Variants in IL1RL1 observed in about 807,000 individuals in gnomAD.
The protein encoded by IL1RL1 is interleukin 1 receptor like 1.
IL1RL1 carries 32 observed loss-of-function variants against 50.9 expected under a neutral mutation model. The observed-to-expected ratio is 0.63, with a 90% CI of 0.47 to 0.84. The LOEUF (loss-of-function observed/expected upper bound fraction) is 0.84, where lower values mean the gene tolerates loss of function less well. Ranked by LOEUF, IL1RL1 falls within the 40% of genes least tolerant of loss-of-function variation. IL1RL1 has a pLI of 0.00. For synonymous variants in IL1RL1, 275 were observed against 236.0 expected, an observed-to-expected ratio of 1.17 and a Z score of -1.51; for missense variants, 773 against 662.9, an observed-to-expected ratio of 1.17 and a Z score of -1.82.
chr2:102,351,311 T>C (rs1387796541), intron 10 of IL1RL1, among the ~76,000 whole-genome samples: 1 of 152,118 alleles, frequency 6.6e-6, no homozygotes, highest in African/African-American at 2.4e-5. Context: ...CTAAGCTACC[T>C]GGGAAATAAA....
chr2:102,319,643 T>C (rs1290208931), intron 1 of IL1RL1, among the ~76,000 whole-genome samples: 1 of 152,194 alleles, frequency 6.6e-6, no homozygotes, highest in East Asian at 1.9e-4. Flanking sequence ...TTTCTGCCCT[T>C]ATAGAATTTT....
At chr2:102,313,667 CA>C (rs1413524181) in intron 1 of IL1RL1, among the ~76,000 whole-genome samples, 1 of 152,316 alleles carries the variant, frequency 6.6e-6, no homozygotes, top group East Asian at 1.9e-4. Context: ...CAGAGGCAGA[CA>C]ACTGCAAGGG....
chr2:102,320,179 T>C (rs187562005), intron 1 of IL1RL1, among the ~76,000 whole-genome samples: 1 of 152,348 alleles, frequency 6.6e-6, no homozygotes, highest in African/African-American at 2.4e-5. Context: ...CAATGCCTTA[T>C]CGCACAGCTT....
rs573215428 is a variant in IL1RL1, at chr2:102,345,752, G to C, written c.971-2193G>C. The C allele has an allele frequency of 5.1e-6, 5 of 985,284 alleles. No individual in the cohort carries two copies. In the African/African-American group the frequency reaches 8.7e-5, roughly 17 times the overall value. The allele number at this position is 985,284 out of a possible 1,614,324, so 61.0% of individuals were successfully genotyped here. On this transcript the variant is annotated intron_variant, in intron 8 of 10. Coordinates refer to ENST00000233954, the MANE Select transcript of IL1RL1 (RefSeq NM_016232.5). The stretch of plus-strand genomic sequence containing the variant: ...ATGGCTATAAGTGCCGTAGTGTTCT[G>C]TGGGTCTCTGGTGTCTGCCAGTGAT...
intron 8 of IL1RL1, chr2:102,344,782 A>C (rs1677719244): frequency 1.1e-6 from 1 of 926,910 alleles, no homozygotes; most frequent in Non-Finnish European, 1.3e-6. Context: ...ATAAGTCTTA[A>C]TTATACAACA....
chr2:102,337,633 T>C (rs1021099626), intron 1 of IL1RL1, among the ~76,000 whole-genome samples: 2 of 152,228 alleles, frequency 1.3e-5, no homozygotes, highest in African/African-American at 4.8e-5. Flanking sequence ...ACTTGGCTAA[T>C]GCTTTAGTCT....
At position 102,341,254 on chromosome 2, in the gene IL1RL1, G is replaced by A. The variant is rs12474211; in HGVS notation, c.610+426G>A. ...TTTAGTAATACTCATTGGATTCAAA[G>A]TCTAATGAGAGGCTTTGTGATGGTA... is the stretch of plus-strand genomic sequence containing the variant. On this transcript the variant is annotated intron_variant, in intron 5 of 10. Coordinates refer to ENST00000233954, the MANE Select transcript of IL1RL1 (RefSeq NM_016232.5). The A allele has an allele frequency of 1.9e-3, 2,415 of 1,245,544 alleles. 5 individuals are homozygous for A. Among genetic ancestry groups the A allele is most frequent in the Non-Finnish European group, 2.3e-3 (2,244 of 968,398 alleles). The allele number at this position is 1,245,544 out of a possible 1,614,324, so 77.2% of individuals were successfully genotyped here.
At chr2:102,329,598 A>AG (rs575316392) in intron 1 of IL1RL1, among the ~76,000 whole-genome samples, 7 of 152,128 alleles carry the variant, frequency 4.6e-5, no homozygotes, top group Non-Finnish European at 8.8e-5. Flanking sequence ...TATCTGACAA[A>AG]GGCTAATATC....
chr2:102,331,384 A>G (rs1293630466), intron 1 of IL1RL1, among the ~76,000 whole-genome samples: 1 of 152,260 alleles, frequency 6.6e-6, no homozygotes, highest in Non-Finnish European at 1.5e-5. Context: ...TGGAATTAGT[A>G]TGTGAGAAAT....
chr2:102,348,168 T>A, intron 9 of IL1RL1, 77 bp downstream of exon 9: 6 of 1,146,334 alleles, frequency 5.2e-6, no homozygotes, highest in Non-Finnish European at 7.6e-6. Flanking sequence ...TATTAATCTT[T>A]CAGTAGCTAG....
At chr2:102,330,034 G>A (rs982471356) in intron 1 of IL1RL1, among the ~76,000 whole-genome samples, 1 of 152,160 alleles carries the variant, frequency 6.6e-6, no homozygotes, top group African/African-American at 2.4e-5. Flanking sequence ...AAAGACACAT[G>A]CATATATATG....
intron 1 of IL1RL1, among the ~76,000 whole-genome samples, chr2:102,325,696 G>T (rs948395405): frequency 1.3e-5 from 2 of 152,218 alleles, no homozygotes; most frequent in African/African-American, 4.8e-5. Context: ...CGAGAACTAC[G>T]TGATGAATGC....
chr2:102,345,132 G>A (rs950696051), intron 8 of IL1RL1: 1 of 871,768 alleles, frequency 1.1e-6, no homozygotes, highest in Non-Finnish European at 1.4e-6. Flanking sequence ...CAGTGATAAA[G>A]CTGTCTACAA....
Position 102,340,132 on chromosome 2 carries a change from A to G in IL1RL1, c.307A>G (p.Thr103Ala). The G allele has an allele frequency of 6.3e-7, 1 of 1,581,786 alleles. No homozygotes were observed. Among genetic ancestry groups the G allele is most frequent in the Non-Finnish European group, 8.6e-7 (1 of 1,163,056 alleles). ...CAATAGGACTGGATATGCGAATGTC[A>G]CCATATATAAAAAACAATCAGATTG... ...TFNRTGYANV[T>A]IYKKQSDCNV... is the part of the protein sequence containing the mutation. Residue 103 changes from threonine (T) to alanine (A), a missense_variant, in exon 4 of 11, where the codon ACC (threonine) becomes GCC (alanine). Transcript: ENST00000233954.
intron 1 of IL1RL1, among the ~76,000 whole-genome samples, chr2:102,333,086 C>T (rs918864635): frequency 6.6e-6 from 1 of 152,128 alleles, no homozygotes; most frequent in African/African-American, 2.4e-5. Context: ...CTCCCAGCTT[C>T]TGTAAAGACG....
At chr2:102,328,978 G>A (rs1677094794) in intron 1 of IL1RL1, among the ~76,000 whole-genome samples, 1 of 152,048 alleles carries the variant, frequency 6.6e-6, no homozygotes, top group South Asian at 2.1e-4. Context: ...CACAGAATTG[G>A]AAAAAACTAC....
chr2:102,320,841 C>T (rs921349976), intron 1 of IL1RL1, among the ~76,000 whole-genome samples: 1 of 152,220 alleles, frequency 6.6e-6, no homozygotes, highest in African/African-American at 2.4e-5. Flanking sequence ...CATCCCTTGC[C>T]ATTCTTAAGA....
At chr2:102,347,899 A>T (rs1677827509) in intron 8 of IL1RL1, 46 bp from the exon 9 acceptor site, 2 of 1,128,976 alleles carry the variant, frequency 1.8e-6, no homozygotes, top group Non-Finnish European at 1.3e-6. Flanking sequence ...AGTTTATTAT[A>T]TCTTGTTTCA....
chr2:102,348,747 A>C (rs1677849289), intron 9 of IL1RL1, among the ~76,000 whole-genome samples: 1 of 152,192 alleles, frequency 6.6e-6, no homozygotes, highest in African/African-American at 2.4e-5. Context: ...GTATGGGGAA[A>C]CCAAAGATGA....
Sources: gnomAD v4.1 joint callset for allele counts (sites outside exome capture counted in the v4.1 genomes callset) on GRCh38, gnomAD v4.1.1 for gene constraint, MANE v1.5 for transcripts, NCBI Gene and HGNC (gene_info 2026-07-23, HGNC 2026-07-21) for gene names.